FBXL17: variants seen among roughly 807,000 people sequenced by gnomAD.
FBXL17 encodes F-box and leucine rich repeat protein 17.
FBXL17 carries 22 observed loss-of-function variants against 66.2 expected under a neutral mutation model. That is an observed-to-expected ratio of 0.33 (90% CI 0.24 to 0.47). The LOEUF (loss-of-function observed/expected upper bound fraction) is 0.47. Among genes scored for constraint, FBXL17 ranks in the 20% least tolerant of loss-of-function variants. The pLI is 1.00. For missense variants in FBXL17, 878 were observed against 948.2 expected, an observed-to-expected ratio of 0.93 and a Z score of 0.97; for synonymous variants, 474 against 400.5, an observed-to-expected ratio of 1.18 and a Z score of -2.19.
At chr5:108,080,359 C>T (rs887178212) in intron 6 of FBXL17, among the ~76,000 whole-genome samples, 1 of 152,176 alleles carries the variant, frequency 6.6e-6, no homozygotes, top group Admixed American at 6.5e-5. Flanking sequence ...ATCACGGAAA[C>T]AATTCTTATG....
At chr5:108,216,896 G>C (rs570934427) in intron 5 of FBXL17, among the ~76,000 whole-genome samples, 2 of 152,304 alleles carry the variant, frequency 1.3e-5, no homozygotes, top group South Asian at 4.1e-4. Context: ...AGCTAACTCA[G>C]ATAAGGGAAC....
intron 3 of FBXL17, among the ~76,000 whole-genome samples, chr5:108,354,369 A>G (rs543660470): frequency 6.6e-6 from 1 of 152,294 alleles, no homozygotes; most frequent in South Asian, 2.1e-4. Context: ...AAAAAGATAC[A>G]TTAGTAGATG....
chr5:108,179,909 G>C (rs1378398270), intron 6 of FBXL17, among the ~76,000 whole-genome samples: 1 of 152,080 alleles, frequency 6.6e-6, no homozygotes, highest in Non-Finnish European at 1.5e-5. Context: ...TCAATTTTAA[G>C]GAAGGATAAT....
At chr5:108,244,625 A>G (rs1403151134) in intron 4 of FBXL17, among the ~76,000 whole-genome samples, 1 of 152,162 alleles carries the variant, frequency 6.6e-6, no homozygotes, top group Non-Finnish European at 1.5e-5. Flanking sequence ...TATTTATATC[A>G]TTGTACTTGA....
At chr5:108,023,171 T>C (rs987362383) in intron 6 of FBXL17, among the ~76,000 whole-genome samples, 2 of 152,166 alleles carry the variant, frequency 1.3e-5, no homozygotes, top group African/African-American at 4.8e-5. Flanking sequence ...TTTAATTACC[T>C]TGATCACAGC....
intron 4 of FBXL17, among the ~76,000 whole-genome samples, chr5:108,249,892 A>T (rs1003507793): frequency 1.3e-5 from 2 of 152,172 alleles, no homozygotes; most frequent in Admixed American, 1.3e-4. Flanking sequence ...TCTTCCCTTT[A>T]TCCAAAAGTA....
chr5:108,381,299 G>GGCA lies in FBXL17; in HGVS notation c.390_392dup (p.Ala132dup). The GGCA allele has an allele frequency of 3.6e-6, 5 of 1,405,038 alleles. No homozygotes were observed. Among genetic ancestry groups the GGCA allele is most frequent in the Non-Finnish European group, 4.6e-6 (5 of 1,084,446 alleles). 87.0% of individuals were successfully genotyped at this position (1,405,038 alleles called of 1,614,324 possible). A position where few individuals can be genotyped will look rare whatever the true frequency, so the allele number is the denominator to read the frequency against. ...AGGAGGCGGGCGACGAAGCCGAGGCGGCAGCGGCGGCGGCGGCGGCGGCCG... is the reference window on the plus strand; with the variant it reads ...AGGAGGCGGGCGACGAAGCCGAGGCGGCAGCAGCGGCGGCGGCGGCGGCGGCCG... On this transcript the variant is annotated inframe_insertion, in exon 1 of 9. Coordinates refer to ENST00000542267, the MANE Select transcript of FBXL17 (RefSeq NM_001163315.3).
At chr5:108,172,416 G>A (rs1752640248) in intron 6 of FBXL17, among the ~76,000 whole-genome samples, 1 of 152,134 alleles carries the variant, frequency 6.6e-6, no homozygotes, top group Admixed American at 6.5e-5. Context: ...GGGAGGACAG[G>A]CAACGTCATA....
intron 8 of FBXL17, among the ~76,000 whole-genome samples, chr5:107,874,629 C>T (rs576390861): frequency 2.6e-5 from 4 of 152,224 alleles, no homozygotes; most frequent in South Asian, 4.1e-4. Flanking sequence ...TATAAAGTTC[C>T]ACATCAGTGT....
At chr5:108,378,824 C>A (rs1401367252) in intron 1 of FBXL17, among the ~76,000 whole-genome samples, 1 of 152,174 alleles carries the variant, frequency 6.6e-6, no homozygotes, top group Non-Finnish European at 1.5e-5. Context: ...GATTACGAAT[C>A]CAGAGTCGCT....
intron 7 of FBXL17, among the ~76,000 whole-genome samples, chr5:107,966,597 G>C (rs1488240298): frequency 3.3e-5 from 5 of 152,024 alleles, no homozygotes. Context: ...GCTGCTCTTT[G>C]GTACTTTCAA....
chr5:108,374,029 A>G (rs1398578408), intron 1 of FBXL17, among the ~76,000 whole-genome samples: 1 of 152,222 alleles, frequency 6.6e-6, no homozygotes, highest in Non-Finnish European at 1.5e-5. Context: ...TTGAGAGTAA[A>G]AGCATGGAAC....
chr5:108,175,925 G>A (rs902169861), intron 6 of FBXL17, among the ~76,000 whole-genome samples: 1 of 152,136 alleles, frequency 6.6e-6, no homozygotes, highest in Non-Finnish European at 1.5e-5. Flanking sequence ...AAAATTGTCA[G>A]ATTTAATCAC....
At chr5:108,039,656 G>A (rs1381947570) in intron 6 of FBXL17, among the ~76,000 whole-genome samples, 1 of 152,040 alleles carries the variant, frequency 6.6e-6, no homozygotes, top group Non-Finnish European at 1.5e-5. Context: ...AGTTTTCATA[G>A]TATATAACTG....
chr5:107,921,355 T>C (rs1224100638), intron 7 of FBXL17, among the ~76,000 whole-genome samples: 1 of 152,238 alleles, frequency 6.6e-6, no homozygotes, highest in Admixed American at 6.5e-5. Context: ...AGTGGCTGTG[T>C]GCATATATCC....
intron 8 of FBXL17, chr5:107,880,249 G>T: frequency 4.2e-6 from 2 of 478,876 alleles, no homozygotes; most frequent in Non-Finnish European, 5.5e-6. Flanking sequence ...TTTTTGTTGG[G>T]GGAGAGGGGG....
intron 6 of FBXL17, among the ~76,000 whole-genome samples, chr5:108,035,712 C>T (rs1746815904): frequency 6.6e-6 from 1 of 152,096 alleles, no homozygotes; most frequent in Non-Finnish European, 1.5e-5. Context: ...TGTATTCACA[C>T]AAATGCAGTA....
chr5:108,354,156 C>T (rs1008044209), intron 3 of FBXL17, among the ~76,000 whole-genome samples: 7 of 152,070 alleles, frequency 4.6e-5, no homozygotes, highest in South Asian at 2.1e-4. Context: ...ACCTGTGCAT[C>T]GTGTCCACCT....
At chr5:108,215,449 T>C (rs1754558042) in intron 5 of FBXL17, among the ~76,000 whole-genome samples, 1 of 152,220 alleles carries the variant, frequency 6.6e-6, no homozygotes, top group Non-Finnish European at 1.5e-5. Flanking sequence ...CGATTTGCAT[T>C]TCCCAGTCAT....
Sources: gnomAD v4.1 joint callset for allele counts (sites outside exome capture counted in the v4.1 genomes callset) on GRCh38, gnomAD v4.1.1 for gene constraint, MANE v1.5 for transcripts, NCBI Gene and HGNC (gene_info 2026-07-23, HGNC 2026-07-21) for gene names.